The following KIAA1217 variants were observed in gnomAD, a reference collection of about 807,000 sequenced individuals.
KIAA1217 encodes sickle tail protein homolog.
KIAA1217 carries 88 observed loss-of-function variants against 163.9 expected under a neutral mutation model. The ratio of observed to expected loss-of-function variants is 0.54; its 90% CI spans 0.45 to 0.64. The LOEUF is 0.64. Ranked by LOEUF, KIAA1217 falls within the 30% of genes least tolerant of loss-of-function variation. The pLI, the probability that KIAA1217 is intolerant of heterozygous loss-of-function variation, is 0.00. For missense variants in KIAA1217, 2,372 were observed against 2,475.0 expected (o/e 0.96, Z 0.88); for synonymous variants, 903 against 923.1 (o/e 0.98, Z 0.39).
intron 2 of KIAA1217, among the ~76,000 whole-genome samples, chr10:24,292,282 C>A (rs1337525955): frequency 1.3e-5 from 2 of 152,208 alleles, no homozygotes; most frequent in Non-Finnish European, 2.9e-5. Flanking sequence ...CTCCAAAAGA[C>A]TGACCAAGGA....
At position 23,760,554 on chromosome 10, in the gene KIAA1217, G is replaced by C. The variant is rs1033057368; in HGVS notation, c.-321+65320G>C. 2.0e-5 allele frequency among the ~76,000 whole-genome samples: 3 copies of C among 152,178 alleles called. 1 individual carries two copies. Among genetic ancestry groups the C allele is most frequent in the African/African-American group, 7.2e-5 (3 of 41,454 alleles). On this transcript the variant is annotated intron_variant, in intron 1 of 18. Transcript: ENST00000376462. The stretch of plus-strand genomic sequence containing the variant: ...TAGCACATCTGTTTCAGTGTTCAAA[G>C]TGTTATTTTGCCAATGCTAAGAAGA...
At chr10:24,353,438 T>A (rs562971607) in intron 2 of KIAA1217, among the ~76,000 whole-genome samples, 16 of 150,530 alleles carry the variant, frequency 1.1e-4, no homozygotes, top group Middle Eastern at 3.4e-3. Flanking sequence ...TATTTTACTT[T>A]ATTTTTGCCC....
intron 1 of KIAA1217, among the ~76,000 whole-genome samples, chr10:23,715,468 G>A (rs1025501280): frequency 6.6e-6 from 1 of 152,156 alleles, no homozygotes; most frequent in African/African-American, 2.4e-5. Context: ...TGTGATGTAA[G>A]TAAAACTTAT....
At chr10:24,457,590 AG>A in intron 5 of KIAA1217, among the ~76,000 whole-genome samples, 1 of 152,072 alleles carries the variant, frequency 6.6e-6, no homozygotes, top group East Asian at 1.9e-4. Context: ...TTGCAGAGAC[AG>A]GGCCTTGCTA....
At chr10:23,771,502 G>T (rs1834791504) in intron 1 of KIAA1217, among the ~76,000 whole-genome samples, 2 of 152,138 alleles carry the variant, frequency 1.3e-5, no homozygotes, top group Admixed American at 1.3e-4. Flanking sequence ...ATGCTATTTT[G>T]TGATGTTTAT....
At chr10:24,426,843 T>C (rs2059213858) in intron 3 of KIAA1217, among the ~76,000 whole-genome samples, 1 of 152,108 alleles carries the variant, frequency 6.6e-6, no homozygotes, top group Non-Finnish European at 1.5e-5. Flanking sequence ...CCCACTGCGG[T>C]GCCCTAGCAA....
intron 2 of KIAA1217, among the ~76,000 whole-genome samples, chr10:24,360,085 C>T (rs909758559): frequency 1.7e-5 from 2 of 116,866 alleles, no homozygotes; most frequent in African/African-American, 6.8e-5. Flanking sequence ...CTTACTCTGT[C>T]GCCCAGGCCG....
chr10:24,369,167 A>G (rs1223867677), intron 2 of KIAA1217, among the ~76,000 whole-genome samples: 4 of 136,088 alleles, frequency 2.9e-5, no homozygotes, highest in African/African-American at 1.2e-4. Context: ...AAAGCTAGTT[A>G]GAACTTTCAC....
intron 1 of KIAA1217, among the ~76,000 whole-genome samples, chr10:23,981,016 G>A (rs1032497011): frequency 6.6e-6 from 1 of 152,116 alleles, no homozygotes; most frequent in African/African-American, 2.4e-5. Context: ...TAGTTGCGTG[G>A]TCAATTGTTC....
At chr10:23,909,374 A>G (rs185182225) in intron 1 of KIAA1217, among the ~76,000 whole-genome samples, 3 of 152,172 alleles carry the variant, frequency 2.0e-5, no homozygotes, top group Non-Finnish European at 1.5e-5. Context: ...TTAAAAAATA[A>G]TAAAAATAAA....
At chr10:24,523,681 T>G (rs2071646392) in intron 12 of KIAA1217, among the ~76,000 whole-genome samples, 1 of 152,154 alleles carries the variant, frequency 6.6e-6, no homozygotes, top group African/African-American at 2.4e-5. Flanking sequence ...CAAAAGCACC[T>G]GAGGCTTAAA....
intron 3 of KIAA1217, among the ~76,000 whole-genome samples, chr10:24,390,068 A>G (rs771928878): frequency 1.3e-5 from 2 of 152,152 alleles, no homozygotes; most frequent in African/African-American, 2.4e-5. Flanking sequence ...TACTGTGAAG[A>G]TTCAGCCCAG....
At position 23,782,067 on chromosome 10, in the gene KIAA1217, T is replaced by TA. The variant is rs202072559; in HGVS notation, c.-321+86843dup. Among the ~76,000 whole-genome samples the TA allele has an allele frequency of 4.0e-5, 6 of 151,186 alleles. No homozygotes were observed. In the East Asian group the frequency reaches 5.8e-4, roughly 15 times the overall value. ...GGGGTTTTTGTAGTTCTATATGAAT[T>TA]AAAAAAAAAATTTTTTTTTCTATTT... is the stretch of plus-strand genomic sequence containing the variant. On this transcript the variant is annotated intron_variant, in intron 1 of 18. Coordinates refer to the KIAA1217 transcript ENST00000376462.
intron 2 of KIAA1217, among the ~76,000 whole-genome samples, chr10:24,330,658 C>T (rs2133538085): frequency 6.6e-6 from 1 of 152,190 alleles, no homozygotes; most frequent in African/African-American, 2.4e-5. Flanking sequence ...CTCTGTCACC[C>T]AGGCTACAGC....
Position 24,473,986 on chromosome 10 carries a change from C to A in KIAA1217, c.1605C>A (p.Asp535Glu). Residue 535 changes from aspartate (D) to glutamate (E), a missense_variant, in exon 6 of 21, where the codon GAC (aspartate) becomes GAA (glutamate). Physicochemically the swap from Asp to Glu is conservative, Grantham distance 45. Transcript: ENST00000376454. ...RSAAGLSSLV[D>E]LGPPLMEKQV... ...CTGCAGGATTATCCAGCCTTGTAGACCTCGGCCCTCCTCTAATGGAGAAGC... is the reference window on the plus strand; with the variant it reads ...CTGCAGGATTATCCAGCCTTGTAGAACTCGGCCCTCCTCTAATGGAGAAGC... The A allele has an allele frequency of 6.2e-7, 1 of 1,613,018 alleles. No individual in the cohort carries two copies. Among genetic ancestry groups the A allele is most frequent in the Non-Finnish European group, 8.5e-7 (1 of 1,179,658 alleles).
At chr10:23,755,529 A>G (rs1470356303) in intron 1 of KIAA1217, among the ~76,000 whole-genome samples, 1 of 152,198 alleles carries the variant, frequency 6.6e-6, no homozygotes, top group African/African-American at 2.4e-5. Flanking sequence ...GTAGAGATGA[A>G]TGTAAATGGT....
At chr10:23,810,250 T>C (rs16923907) in intron 1 of KIAA1217, among the ~76,000 whole-genome samples, 13,099 of 150,340 alleles carry the variant, frequency 0.087, 1,879 homozygotes, top group African/African-American at 0.3. Context: ...ACCTACCCTC[T>C]TTCTGACTAC....
chr10:23,794,957 G>A (rs892051958), intron 1 of KIAA1217, among the ~76,000 whole-genome samples: 1 of 152,198 alleles, frequency 6.6e-6, no homozygotes, highest in Non-Finnish European at 1.5e-5. Context: ...TCCAGCTTGT[G>A]ATGCCCCAAA....
chr10:24,360,516 A>G (rs959477507), intron 2 of KIAA1217, among the ~76,000 whole-genome samples: 4 of 152,198 alleles, frequency 2.6e-5, no homozygotes, highest in Admixed American at 6.5e-5. Context: ...CAGTCAGCCC[A>G]TTACAGTTTT....
Sources: allele counts gnomAD v4.1 joint callset (sites outside exome capture counted in the v4.1 genomes callset), GRCh38; gene constraint gnomAD v4.1.1; transcripts MANE v1.5; gene names NCBI Gene and HGNC (gene_info 2026-07-23, HGNC 2026-07-21).